The following SPIDR variants were observed in gnomAD, a reference collection of about 807,000 sequenced individuals.
SPIDR encodes DNA repair-scaffolding protein.
SPIDR carries 93 observed loss-of-function variants against 104.6 expected under a neutral mutation model. That is an observed-to-expected ratio of 0.89 (90% CI 0.75 to 1.06). SPIDR has a LOEUF of 1.06. Ranked by LOEUF, SPIDR falls within the 50% of genes least tolerant of loss-of-function variation. SPIDR has a pLI of 0.00. For missense variants in SPIDR, 1,154 were observed against 1,111.2 expected (o/e 1.04, Z -0.55); for synonymous variants, 431 against 416.9 (o/e 1.03, Z -0.41).
intron 1 of SPIDR, among the ~76,000 whole-genome samples, chr8:47,269,287 T>C (rs2034768570): frequency 6.6e-6 from 1 of 151,140 alleles, no homozygotes; most frequent in Admixed American, 6.6e-5. Context: ...AGACAGAATC[T>C]TGCGCTGTCA....
chr8:47,352,315 C>A (rs532786085), intron 5 of SPIDR, among the ~76,000 whole-genome samples: 6 of 151,680 alleles, frequency 4.0e-5, no homozygotes, highest in Non-Finnish European at 8.8e-5. Context: ...ATAATTTGAC[C>A]GTGTACTTCT....
intron 8 of SPIDR, among the ~76,000 whole-genome samples, chr8:47,478,544 A>G (rs1194344175): frequency 1.3e-5 from 2 of 152,234 alleles, no homozygotes; most frequent in Non-Finnish European, 2.9e-5. Context: ...TAAGATCAGC[A>G]TGTGCCGGAA....
intron 11 of SPIDR, among the ~76,000 whole-genome samples, chr8:47,676,169 G>A (rs2076420414): frequency 6.6e-6 from 1 of 152,184 alleles, no homozygotes. Flanking sequence ...AGTTTTTGTG[G>A]TTGGCACTAG....
chr8:47,461,357 G>T (rs782371503), intron 8 of SPIDR, among the ~76,000 whole-genome samples: 2 of 152,138 alleles, frequency 1.3e-5, no homozygotes, highest in Non-Finnish European at 2.9e-5. Context: ...ATGGAGTCTC[G>T]CTCTGTCACC....
chr8:47,289,105 T>C (rs1480328458), intron 3 of SPIDR, among the ~76,000 whole-genome samples: 1 of 152,102 alleles, frequency 6.6e-6, no homozygotes, highest in African/African-American at 2.4e-5. Context: ...AAACATTTGC[T>C]CTTAAACTCG....
At chr8:47,363,887 G>A (rs782027748) in intron 5 of SPIDR, among the ~76,000 whole-genome samples, 2 of 150,502 alleles carry the variant, frequency 1.3e-5, no homozygotes, top group Non-Finnish European at 3.0e-5. Flanking sequence ...TCATTTTGGT[G>A]GTAGGTAAGG....
intron 8 of SPIDR, among the ~76,000 whole-genome samples, chr8:47,512,873 T>C (rs557435843): frequency 6.6e-6 from 1 of 152,344 alleles, no homozygotes; most frequent in South Asian, 2.1e-4. Context: ...ATGACTGTAA[T>C]AACTAAGCTA....
At chr8:47,402,675 G>A (rs2062071880) in intron 6 of SPIDR, among the ~76,000 whole-genome samples, 1 of 151,810 alleles carries the variant, frequency 6.6e-6, no homozygotes, top group African/African-American at 2.4e-5. Flanking sequence ...TCCCTGAATA[G>A]ACCAATAACA....
chr8:47,391,175 A>G (rs1405179395), intron 5 of SPIDR, among the ~76,000 whole-genome samples: 1 of 152,124 alleles, frequency 6.6e-6, no homozygotes, highest in South Asian at 2.1e-4. Flanking sequence ...CTAAAATACC[A>G]TATGCTAAAA....
intron 5 of SPIDR, among the ~76,000 whole-genome samples, chr8:47,343,507 A>G (rs1554615306): frequency 6.6e-6 from 1 of 152,202 alleles, no homozygotes; most frequent in Non-Finnish European, 1.5e-5. Context: ...ACTTACAGAC[A>G]GGTAGTGAGG....
At chr8:47,548,517 G>A (rs955817517) in intron 8 of SPIDR, among the ~76,000 whole-genome samples, 12 of 152,138 alleles carry the variant, frequency 7.9e-5, no homozygotes, top group Non-Finnish European at 2.9e-5. Flanking sequence ...GTGTGGTGAC[G>A]GGTGCCTCTA....
Position 47,569,616 on chromosome 8 carries a change from G to A in SPIDR, c.1098-26195G>A, listed in dbSNP as rs529541870. 2.0e-5 allele frequency among the ~76,000 whole-genome samples: 3 copies of A among 152,232 alleles called. No individual in the cohort carries two copies. The South Asian group carries it at 6.2e-4, about 32-fold the overall frequency. On this transcript the variant is annotated intron_variant, in intron 8 of 19. Coordinates refer to ENST00000297423, the MANE Select transcript of SPIDR (RefSeq NM_001080394.4). ...GATATCCATTTTTACCACTTCTGTT[G>A]AATATTGTACTGGAGTTTCTACCCA...
intron 7 of SPIDR, among the ~76,000 whole-genome samples, chr8:47,434,921 T>C (rs2068011925): frequency 6.6e-6 from 1 of 152,196 alleles, no homozygotes; most frequent in Non-Finnish European, 1.5e-5. Flanking sequence ...GTCACAGACA[T>C]ATTTTGTTAT....
At chr8:47,597,058 T>G (rs968576076) in intron 9 of SPIDR, among the ~76,000 whole-genome samples, 25 of 152,154 alleles carry the variant, frequency 1.6e-4, no homozygotes, top group African/African-American at 5.1e-4. Flanking sequence ...TCTAAGGATG[T>G]TTTACAGATA....
rs1554573090 is a variant in SPIDR, at chr8:47,296,827, T to G, written c.525+2797T>G. 3.1e-3 allele frequency among the ~76,000 whole-genome samples: 467 copies of G among 152,354 alleles called. 3 individuals carry two copies. The highest frequency in any genetic ancestry group is 5.1e-3 in the Non-Finnish European group (345 of 68,040). ...ATTGCATTGAATCTGAATATCACTT[T>G]GGGAAGTATGAATAGTTTAACAATA... On this transcript the variant is annotated intron_variant, in intron 5 of 19. Coordinates refer to ENST00000297423, the MANE Select transcript of SPIDR (RefSeq NM_001080394.4).
intron 5 of SPIDR, among the ~76,000 whole-genome samples, chr8:47,393,768 TTTC>T (rs2060913301): frequency 6.6e-6 from 1 of 150,608 alleles, no homozygotes; most frequent in Admixed American, 6.7e-5. Flanking sequence ...TCTTTCTGTC[TTTC>T]TTTTCTTTTC....
At chr8:47,303,246 GT>G (rs1314091649) in intron 5 of SPIDR, among the ~76,000 whole-genome samples, 1 of 152,240 alleles carries the variant, frequency 6.6e-6, no homozygotes, top group African/African-American at 2.4e-5. Context: ...CTCCGAACCA[GT>G]TGTGGGATAT....
At position 47,729,430 on chromosome 8, in the gene SPIDR, T is replaced by C. The variant is rs376975557; in HGVS notation, c.2569T>C (p.Ser857Pro). The change falls in exon 19 of 20, where the codon TCC (serine) becomes CCC (proline). Residue 857 changes from serine to proline, a missense_variant. Physicochemically the swap from Ser to Pro is moderately conservative, Grantham distance 74. Coordinates refer to ENST00000297423, the MANE Select transcript of SPIDR (RefSeq NM_001080394.4). ...VKVKLLQRSI[S>P]SLLRFAAGED... is the part of the protein sequence containing the mutation. The stretch of plus-strand genomic sequence containing the variant: ...GTTGCAGCTGTTGCAGCGCAGCATT[T>C]CCTCCCTGCTGAGGTTTGCCGCCGG... The C allele has an allele frequency of 9.6e-5, 154 of 1,596,966 alleles. 1 individual carries two copies. In the East Asian group the frequency reaches 3.4e-3, roughly 35 times the overall value.
intron 11 of SPIDR, among the ~76,000 whole-genome samples, chr8:47,687,831 G>A (rs536962359): frequency 7.9e-5 from 12 of 152,304 alleles, no homozygotes; most frequent in Admixed American, 1.3e-4. Context: ...GGGAGGCCAA[G>A]ACAGAAGGAT....
Sources: gnomAD v4.1 joint callset for allele counts (sites outside exome capture counted in the v4.1 genomes callset) on GRCh38, gnomAD v4.1.1 for gene constraint, MANE v1.5 for transcripts, NCBI Gene and HGNC (gene_info 2026-07-23, HGNC 2026-07-21) for gene names.